Variants in AGBL1 observed in about 807,000 individuals in gnomAD.
AGBL1 encodes the protein cytosolic carboxypeptidase 4.
Under a neutral mutation model 118.9 loss-of-function variants are expected in AGBL1, and 130 were observed. That is an observed-to-expected ratio of 1.09 (90% CI 0.95 to 1.26). The LOEUF (loss-of-function observed/expected upper bound fraction) is 1.26. AGBL1 is among the 50% of genes most tolerant of loss of function. The pLI is 0.00. For synonymous variants in AGBL1, 555 were observed against 478.9 expected (o/e 1.16, Z -2.08); for missense variants, 1,584 against 1,298.1 (o/e 1.22, Z -3.38).
intron 18 of AGBL1, among the ~76,000 whole-genome samples, chr15:86,410,201 C>T (rs943739043): frequency 4.6e-5 from 7 of 152,048 alleles, no homozygotes; most frequent in African/African-American, 1.7e-4. Flanking sequence ...ACTGAGGAAG[C>T]TTTTTCTTTT....
intron 16 of AGBL1, among the ~76,000 whole-genome samples, chr15:86,280,627 T>C (rs2079337013): frequency 6.6e-6 from 1 of 152,244 alleles, no homozygotes; most frequent in Non-Finnish European, 1.5e-5. Flanking sequence ...TATAATCATA[T>C]GTGTGTATAT....
chr15:86,556,125 A>T, intron 21 of AGBL1: 2 of 978,236 alleles, frequency 2.0e-6, no homozygotes, highest in Non-Finnish European at 3.1e-6. Context: ...TATCAGTGCC[A>T]TTCACAATAA....
chr15:86,836,443 A>G (rs1202580947), intron 22 of AGBL1, among the ~76,000 whole-genome samples: 1 of 152,178 alleles, frequency 6.6e-6, no homozygotes, highest in African/African-American at 2.4e-5. Flanking sequence ...GTAATGGATG[A>G]AAGAAATACT....
chr15:86,464,974 C>G (rs769056189), intron 18 of AGBL1, among the ~76,000 whole-genome samples: 2 of 151,862 alleles, frequency 1.3e-5, no homozygotes. Flanking sequence ...GGGAGGTTCT[C>G]CTGGATAATA....
At chr15:86,383,549 G>A (rs528117823) in intron 17 of AGBL1, among the ~76,000 whole-genome samples, 3 of 152,070 alleles carry the variant, frequency 2.0e-5, no homozygotes, top group East Asian at 1.9e-4. Flanking sequence ...ATTGCACCAC[G>A]GTATGCCAGC....
chr15:86,667,525 T>G (rs1246384709), intron 21 of AGBL1, among the ~76,000 whole-genome samples: 1 of 152,186 alleles, frequency 6.6e-6, no homozygotes, highest in Non-Finnish European at 1.5e-5. Context: ...ATTAGTAGTA[T>G]GAATAAATAT....
At chr15:86,867,281 C>T (rs1324621021) in intron 22 of AGBL1, among the ~76,000 whole-genome samples, 2 of 152,064 alleles carry the variant, frequency 1.3e-5, no homozygotes, top group African/African-American at 2.4e-5. Flanking sequence ...ATAACACTTC[C>T]CTCAAAACCA....
chr15:86,636,760 C>T (rs4516197), intron 21 of AGBL1, among the ~76,000 whole-genome samples: 2,241 of 26,586 alleles, frequency 0.084, 155 homozygotes, highest in East Asian at 0.18. Context: ...TATATATATA[C>T]ACATACATAC....
At chr15:86,752,099 C>G (rs2077863384) in intron 22 of AGBL1, among the ~76,000 whole-genome samples, 1 of 152,028 alleles carries the variant, frequency 6.6e-6, no homozygotes, top group African/African-American at 2.4e-5. Context: ...TCCCAATGGC[C>G]CATCTTAGCA....
intron 22 of AGBL1, among the ~76,000 whole-genome samples, chr15:86,900,335 A>C (rs2080193631): frequency 6.6e-6 from 1 of 152,020 alleles, no homozygotes; most frequent in African/African-American, 2.4e-5. Flanking sequence ...TAATACACGT[A>C]TGTTTCTTAC....
At chr15:86,935,766 C>T (rs911006809) in intron 23 of AGBL1, among the ~76,000 whole-genome samples, 5 of 152,178 alleles carry the variant, frequency 3.3e-5, no homozygotes, top group African/African-American at 9.7e-5. Flanking sequence ...GAGAGCCGCA[C>T]TGAGGCTGGA....
At chr15:87,019,599 A>G (rs1426434222) in intron 24 of AGBL1, among the ~76,000 whole-genome samples, 3 of 152,160 alleles carry the variant, frequency 2.0e-5, no homozygotes, top group Non-Finnish European at 1.5e-5. Flanking sequence ...AATGTACCAG[A>G]ATCTGTGGGA....
intron 23 of AGBL1, among the ~76,000 whole-genome samples, chr15:86,946,851 A>AC (rs1439576068): frequency 1.4e-5 from 2 of 146,200 alleles, no homozygotes; most frequent in Admixed American, 1.3e-4. Flanking sequence ...TCCAAAAAAA[A>AC]AAAAAAAAAA....
intron 18 of AGBL1, among the ~76,000 whole-genome samples, chr15:86,522,554 G>A (rs2083203103): frequency 6.6e-6 from 1 of 152,132 alleles, no homozygotes; most frequent in Non-Finnish European, 1.5e-5. Context: ...TTCCAACTTT[G>A]TCTTAAAACT....
intron 17 of AGBL1, among the ~76,000 whole-genome samples, chr15:86,368,872 A>G (rs1390352881): frequency 6.6e-6 from 1 of 152,192 alleles, no homozygotes; most frequent in Non-Finnish European, 1.5e-5. Flanking sequence ...ATAAAGATTA[A>G]CCCACACTTA....
chr15:86,339,822 C>T (rs1440549246), intron 17 of AGBL1, among the ~76,000 whole-genome samples: 1 of 152,110 alleles, frequency 6.6e-6, no homozygotes, highest in Non-Finnish European at 1.5e-5. Context: ...CAAAAATTAG[C>T]TGGGCGTAGT....
intron 5 of AGBL1, among the ~76,000 whole-genome samples, chr15:86,195,563 TA>T (rs1431841734): frequency 6.6e-6 from 1 of 152,216 alleles, no homozygotes; most frequent in Non-Finnish European, 1.5e-5. Context: ...TACAGCTTCT[TA>T]AAAGTCTGCA....
Position 86,546,123 on chromosome 15 carries a change from T to A in AGBL1, c.2807T>A (p.Val936Asp), listed in dbSNP as rs771066123. The A allele has an allele frequency of 1.9e-6, 3 of 1,612,252 alleles. No homozygotes were observed. The East Asian group carries it at 6.7e-5, about 36-fold the overall frequency. Residue 936 changes from valine to aspartate, a missense_variant, in exon 20 of 23, where the codon GTC becomes GAC. Val to Asp is a radical substitution (Grantham distance 152, BLOSUM62 -3). Coordinates refer to ENST00000614907, the MANE Select transcript of AGBL1 (RefSeq NM_001386094.1). ...GGCACATCTACTATCCTAGAGGAGG[T>A]CAACTACAGGGTAAGCCGCTGTGGG... ...TVGTSTILEE[V>D]NYRTLPKILD...
At chr15:86,900,480 T>A (rs1180648339) in intron 22 of AGBL1, among the ~76,000 whole-genome samples, 1 of 152,130 alleles carries the variant, frequency 6.6e-6, no homozygotes, top group Non-Finnish European at 1.5e-5. Context: ...CATTCTTAGT[T>A]CTTTCTTTTA....
Sources: allele counts gnomAD v4.1 joint callset (sites outside exome capture counted in the v4.1 genomes callset), GRCh38; gene constraint gnomAD v4.1.1; transcripts MANE v1.5; gene names NCBI Gene and HGNC (gene_info 2026-07-23, HGNC 2026-07-21).